The following TXLNB variants were observed in gnomAD, a reference collection of about 807,000 sequenced individuals.
TXLNB encodes the protein taxilin beta.
TXLNB carries 37 observed loss-of-function variants against 57.4 expected under a neutral mutation model. The observed-to-expected ratio is 0.64, with a 90% CI of 0.50 to 0.85. The LOEUF (loss-of-function observed/expected upper bound fraction) is 0.85, where lower values mean the gene tolerates loss of function less well. Ranked by LOEUF, TXLNB falls within the 40% of genes least tolerant of loss-of-function variation. TXLNB has a pLI of 0.00. For missense variants in TXLNB, 848 were observed against 825.6 expected (o/e 1.03, Z -0.33); for synonymous variants, 302 against 309.6 (o/e 0.98, Z 0.26).
rs201729639 is a variant in TXLNB, at chr6:139,242,557, A to G, written c.2024T>C (p.Val675Ala). 1.5e-4 allele frequency: 226 copies of G among 1,513,238 alleles called. No individual in the cohort carries two copies. Among genetic ancestry groups the G allele is most frequent in the Non-Finnish European group, 1.8e-4 (201 of 1,133,644 alleles). The allele number at this position is 1,513,238 out of a possible 1,614,324, so 93.7% of individuals were successfully genotyped here. The change falls in exon 10 of 10, where the codon GTG becomes GCG. Residue 675 changes from valine to alanine, a missense_variant. Transcript: ENST00000358430. The part of the protein sequence containing the change: ...GASAGPQPRN[V>A]ADTNLEGVD ...GACGCCTTCCAGATTGGTGTCAGCC[A>G]CGTTGCGCGGCTGGGGCCCAGCTGA... is the stretch of plus-strand genomic sequence containing the variant.
chr6:139,188,523 AAATCT>A, the TXLNB span, among the ~76,000 whole-genome samples: 1 of 152,158 alleles, frequency 6.6e-6, no homozygotes, highest in Non-Finnish European at 1.5e-5. Context: ...TATTTTTAAA[AAATCT>A]AATCGAAATT....
At chr6:139,301,913 C>T in the TXLNB span, among the ~76,000 whole-genome samples, 10 of 152,092 alleles carry the variant, frequency 6.6e-5, no homozygotes, top group East Asian at 1.7e-3. Context: ...AAGCAAGGAA[C>T]CCTTGACAGG....
Position 139,260,312 on chromosome 6 carries a change from A to G in TXLNB, c.1002+6T>C, listed in dbSNP as rs752731875. On this transcript the variant is annotated splice_donor_region_variant and intron_variant, in intron 6 of 9. Transcript: ENST00000358430. ...AGATATGCACAACGACTAAAATGAT[A>G]AATACATATTCCTTTTCTCGTTTGT... The G allele has an allele frequency of 6.8e-6, 11 of 1,613,892 alleles. No individual in the cohort carries two copies. The African/African-American group carries it at 1.3e-4, about 20-fold the overall frequency.
the TXLNB span, among the ~76,000 whole-genome samples, chr6:139,161,717 G>A: frequency 6.6e-6 from 1 of 152,242 alleles, no homozygotes; most frequent in African/African-American, 2.4e-5. Context: ...GAATGCAAAT[G>A]TTAGTTAGAT....
the TXLNB span, among the ~76,000 whole-genome samples, chr6:139,317,448 A>G: frequency 5.9e-5 from 9 of 151,744 alleles, no homozygotes; most frequent in Non-Finnish European, 8.8e-5. Flanking sequence ...GGCCCAGGCT[A>G]GAGTGCAGTG....
intron 2 of TXLNB, among the ~76,000 whole-genome samples, chr6:139,285,052 G>A (rs1562289264): frequency 6.9e-6 from 1 of 145,254 alleles, no homozygotes; most frequent in Non-Finnish European, 1.5e-5. Flanking sequence ...TAATCCACAA[G>A]CATTGATTTT....
intron 6 of TXLNB, among the ~76,000 whole-genome samples, chr6:139,258,719 CCT>C (rs1776406246): frequency 6.6e-6 from 1 of 152,108 alleles, no homozygotes. Flanking sequence ...CCATGTTTTA[CCT>C]CTCTCTCACC....
At position 139,241,172 on chromosome 6, in the gene TXLNB, A is replaced by G. The variant is rs1775924793; in HGVS notation, c.*1354T>C. ...TGCCTTCTCCTGAATCCTCACCTATATTTCAAATCATTTTGGTTAAAATCC... is the reference window on the plus strand; with the variant it reads ...TGCCTTCTCCTGAATCCTCACCTATGTTTCAAATCATTTTGGTTAAAATCC... On this transcript the variant is annotated 3_prime_UTR_variant, in exon 10 of 10. Coordinates refer to ENST00000358430, the MANE Select transcript of TXLNB (RefSeq NM_153235.4). The G allele has an allele frequency of 6.6e-6, 1 of 152,086 alleles. No homozygotes were observed. Among genetic ancestry groups the G allele is most frequent in the Non-Finnish European group, 1.5e-5 (1 of 68,032 alleles). 9.4% of individuals were successfully genotyped at this position (152,086 alleles called of 1,614,324 possible). A position where few individuals can be genotyped will look rare whatever the true frequency, so the allele number is the denominator to read the frequency against.
At chr6:139,232,753 C>T in the TXLNB span, among the ~76,000 whole-genome samples, 20 of 152,316 alleles carry the variant, frequency 1.3e-4, no homozygotes, top group Admixed American at 3.9e-4. Context: ...TTAGCCAATG[C>T]TATGATTTAT....
At chr6:139,218,793 T>G in the TXLNB span, among the ~76,000 whole-genome samples, 1 of 152,154 alleles carries the variant, frequency 6.6e-6, no homozygotes, top group Non-Finnish European at 1.5e-5. Flanking sequence ...ATTGATGATT[T>G]ATAAAAACCC....
chr6:139,169,896 G>T, the TXLNB span: 10 of 152,288 alleles, frequency 6.6e-5, no homozygotes, highest in African/African-American at 2.4e-4. Context: ...CTTTTTGATG[G>T]AAAGTGCTGC....
At chr6:139,230,407 AG>A in the TXLNB span, among the ~76,000 whole-genome samples, 1 of 152,216 alleles carries the variant, frequency 6.6e-6, no homozygotes. Context: ...CTTTTGGTTC[AG>A]GGAAACTATT....
rs1029202704 is a variant in TXLNB, at chr6:139,285,009, A to G, written c.424+3467T>C. On this transcript the variant is annotated intron_variant, in intron 2 of 9. Transcript: ENST00000358430. Reference sequence around the variant, plus strand: ...GCACAGAAAGGTCATGAGCCCACACATACTCAATTAGAGTGGACACACCTA... The same window carrying G: ...GCACAGAAAGGTCATGAGCCCACACGTACTCAATTAGAGTGGACACACCTA... Among the ~76,000 whole-genome samples, 7 of 145,302 alleles carry G rather than the reference A, an allele frequency of 4.8e-5. 1 individual carries two copies. The highest frequency in any genetic ancestry group is 1.8e-4 in the African/African-American group (7 of 39,354).
At chr6:139,317,509 C>T in the TXLNB span, among the ~76,000 whole-genome samples, 2 of 152,014 alleles carry the variant, frequency 1.3e-5, no homozygotes, top group African/African-American at 4.8e-5. Context: ...ATGCCATTCT[C>T]CTGCCTCAGC....
chr6:139,263,715 TACATCCTACCAA>T (rs1776544573), intron 4 of TXLNB, among the ~76,000 whole-genome samples: 1 of 152,202 alleles, frequency 6.6e-6, no homozygotes, highest in Non-Finnish European at 1.5e-5. Flanking sequence ...TTAATTTTGC[TACATCCTACCAA>T]AGATAGAGAC....
At chr6:139,169,724 C>T in the TXLNB span, 3 of 152,342 alleles carry the variant, frequency 2.0e-5, no homozygotes, top group Admixed American at 6.5e-5. Flanking sequence ...GACTTTTTCA[C>T]ATGTTGCTCT....
Position 139,288,328 on chromosome 6 carries a change from G to A in TXLNB, c.424+148C>T, listed in dbSNP as rs973682703. ...CACCTGAGCTCCATTGAGGGGTAAG[G>A]GCTGGGGACAAATACAACAAGGGAA... On this transcript the variant is annotated intron_variant, in intron 2 of 9. Transcript: ENST00000358430. 9.0e-6 allele frequency: 7 copies of A among 777,498 alleles called. No individual in the cohort carries two copies. The African/African-American group carries it at 1.2e-4, about 14-fold the overall frequency. The allele number at this position is 777,498 out of a possible 1,614,324, so 48.2% of individuals were successfully genotyped here.
chr6:139,280,292 C>G (rs1424329419), intron 2 of TXLNB, among the ~76,000 whole-genome samples: 2 of 133,342 alleles, frequency 1.5e-5, no homozygotes, highest in Non-Finnish European at 3.3e-5. Flanking sequence ...AAGAAAGAAA[C>G]AAAAAACCTG....
chr6:139,264,412 GT>G (rs546235262), intron 4 of TXLNB, among the ~76,000 whole-genome samples: 11 of 147,900 alleles, frequency 7.4e-5, no homozygotes, highest in African/African-American at 9.9e-5. Flanking sequence ...CTGAGTTGTT[GT>G]TTTTTTTTTA....
Sources: allele counts gnomAD v4.1 joint callset (sites outside exome capture counted in the v4.1 genomes callset), GRCh38; gene constraint gnomAD v4.1.1; transcripts MANE v1.5; gene names NCBI Gene and HGNC (gene_info 2026-07-23, HGNC 2026-07-21).